Variants in C20orf203 observed in about 807,000 individuals in gnomAD.
C20orf203 encodes chromosome 20 open reading frame 203.
In C20orf203, 16 loss-of-function variants were observed where a neutral mutation model predicts 15.9. The ratio of observed to expected loss-of-function variants is 1.01; its 90% CI spans 0.68 to 1.53. C20orf203 has a LOEUF of 1.53. Among genes scored for constraint, C20orf203 ranks in the 40% most tolerant of loss-of-function variants. C20orf203 has a pLI of 0.00. For missense variants in C20orf203, 263 were observed against 247.5 expected, an observed-to-expected ratio of 1.06 and a Z score of -0.42; for synonymous variants, 98 against 97.2, an observed-to-expected ratio of 1.01 and a Z score of -0.05.
In C20orf203 at chr20:32,650,450, TGATGAATTG is replaced by T; in HGVS notation, c.558_566del (p.Asn187_Ser189del). The T allele has an allele frequency of 6.5e-7, 1 of 1,549,956 alleles. No individual in the cohort carries two copies. Among genetic ancestry groups the T allele is most frequent in the African/African-American group, 1.4e-5 (1 of 73,060 alleles). ...GGCTCGGCTAATTAAACAGCGACCG[TGATGAATTG>T]GAGAGAAACTGCTGCTTGCTAATTA... On this transcript the variant is annotated inframe_deletion, in exon 4 of 6. Transcript: ENST00000608990.
intron 4 of C20orf203, among the ~76,000 whole-genome samples, chr20:32,648,542 G>T (rs557817322): frequency 9.4e-5 from 13 of 138,230 alleles, no homozygotes; most frequent in Non-Finnish European, 9.1e-5. Context: ...CCAGGTTCAC[G>T]CCATTCTTCT....
At chr20:32,637,952 G>T (rs1017639996) in intron 5 of C20orf203, among the ~76,000 whole-genome samples, 1 of 152,002 alleles carries the variant, frequency 6.6e-6, no homozygotes, top group African/African-American at 2.4e-5. Context: ...GTATGGGCGT[G>T]TGTGTGCGCC....
At chr20:32,673,126 G>T (rs191144126) in intron 1 of C20orf203, among the ~76,000 whole-genome samples, 18 of 152,298 alleles carry the variant, frequency 1.2e-4, no homozygotes, top group Admixed American at 4.6e-4. Flanking sequence ...CGGGTGAGGA[G>T]AGGAAGTGGA....
chr20:32,645,210 G>C (rs1381748148), intron 4 of C20orf203, among the ~76,000 whole-genome samples: 1 of 152,178 alleles, frequency 6.6e-6, no homozygotes, highest in East Asian at 1.9e-4. Context: ...CTAGTACTCT[G>C]ATCATCTGTT....
chr20:32,645,152 AC>A (rs1260196315), intron 4 of C20orf203, among the ~76,000 whole-genome samples: 1 of 152,160 alleles, frequency 6.6e-6, no homozygotes, highest in Non-Finnish European at 1.5e-5. Context: ...AGAAACTGGC[AC>A]TTGGGTTTGT....
chr20:32,656,915 G>C (rs1198943576), intron 1 of C20orf203: 1 of 149,128 alleles, frequency 6.7e-6, no homozygotes, highest in African/African-American at 2.5e-5. Context: ...CCCCAAAATA[G>C]AAACAACCAC....
chr20:32,672,595 C>T (rs1983200170), intron 1 of C20orf203, among the ~76,000 whole-genome samples: 1 of 151,420 alleles, frequency 6.6e-6, no homozygotes, highest in Non-Finnish European at 1.5e-5. Context: ...AATACTTCTT[C>T]AATTTAAATA....
chr20:32,634,587 G>A lies in C20orf203; in HGVS notation c.*1300-317C>T, dbSNP rs768420821. ...ACGCAGGACGGAGGATGTTTACTGC[G>A]GTGTTTTTATCACAGAAAACGAGTG... On this transcript the variant is annotated intron_variant, in intron 5 of 5. Coordinates refer to ENST00000608990, the MANE Select transcript of C20orf203 (RefSeq NM_182584.4). Among the ~76,000 whole-genome samples the A allele has an allele frequency of 1.8e-3, 275 of 152,232 alleles. 2 individuals carry two copies. Among genetic ancestry groups the A allele is most frequent in the Middle Eastern group, 3.4e-3 (1 of 294 alleles).
chr20:32,673,766 C>G lies in C20orf203; in HGVS notation c.-398G>C, dbSNP rs773640311. ...TCTGCCTTTGCTCACTGTGATGTCTCCGACGCAAAGCAGAGAGCCCGCCAG... is the reference window on the plus strand; with the variant it reads ...TCTGCCTTTGCTCACTGTGATGTCTGCGACGCAAAGCAGAGAGCCCGCCAG... On this transcript the variant is annotated 5_prime_UTR_variant, in exon 1 of 6. Coordinates refer to ENST00000608990, the MANE Select transcript of C20orf203 (RefSeq NM_182584.4). 6.6e-6 allele frequency: 1 copy of G among 152,210 alleles called. No individual in the cohort carries two copies. The highest frequency in any genetic ancestry group is 1.5e-5 in the Non-Finnish European group (1 of 68,056). The allele number at this position is 152,210 out of a possible 1,614,324, so 9.4% of individuals were successfully genotyped here. A position where few individuals can be genotyped will look rare whatever the true frequency, so the allele number is the denominator to read the frequency against.
At chr20:32,663,759 G>C (rs2145680567) in intron 1 of C20orf203, among the ~76,000 whole-genome samples, 1 of 152,336 alleles carries the variant, frequency 6.6e-6, no homozygotes, top group East Asian at 1.9e-4. Flanking sequence ...TTGGGCGCTG[G>C]GCTCTGTCCT....
chr20:32,639,627 TAAAA>T (rs11353903), intron 5 of C20orf203, among the ~76,000 whole-genome samples: 2 of 129,244 alleles, frequency 1.5e-5, no homozygotes, highest in Non-Finnish European at 1.6e-5. Flanking sequence ...TTTTAAATAG[TAAAA>T]AAAAAAAAAA....
intron 1 of C20orf203, among the ~76,000 whole-genome samples, chr20:32,666,157 A>AAAAAAAAAAAAAAAAAAAAT (rs1983018608): frequency 3.4e-5 from 1 of 29,002 alleles, no homozygotes; most frequent in Non-Finnish European, 1.1e-4. Context: ...AAATAAAGTA[A>AAAAAAAAAAAAAAAAAAAAT]AAAAAAAAAA....
intron 1 of C20orf203, among the ~76,000 whole-genome samples, chr20:32,662,744 A>G (rs1469409283): frequency 2.0e-5 from 3 of 152,006 alleles, no homozygotes. Context: ...TCTGCCAAGC[A>G]TGGTGGCTCA....
chr20:32,641,767 T>C (rs1477636431), intron 4 of C20orf203, among the ~76,000 whole-genome samples: 2 of 152,252 alleles, frequency 1.3e-5, no homozygotes, highest in Non-Finnish European at 2.9e-5. Context: ...TACATCTTTT[T>C]TGGAGAAATA....
In C20orf203 at chr20:32,636,687, G is replaced by T. The variant is rs148167618; in HGVS notation, c.*1300-2417C>A. Among the ~76,000 whole-genome samples the T allele has an allele frequency of 7.1e-4, 108 of 152,224 alleles. 1 individual carries two copies. Among genetic ancestry groups the T allele is most frequent in the Non-Finnish European group, 1.3e-3 (86 of 68,014 alleles). ...GCTGGACTTGGGCCATGGAACCTCTGTCCTCCCCGCTCACCCAGGGAGGGC... is the reference window on the plus strand; with the variant it reads ...GCTGGACTTGGGCCATGGAACCTCTTTCCTCCCCGCTCACCCAGGGAGGGC... On this transcript the variant is annotated intron_variant, in intron 5 of 5. Coordinates refer to ENST00000608990, the MANE Select transcript of C20orf203 (RefSeq NM_182584.4).
chr20:32,665,554 G>A (rs117923975), intron 1 of C20orf203, among the ~76,000 whole-genome samples: 521 of 152,352 alleles, frequency 3.4e-3, no homozygotes, highest in Non-Finnish European at 5.8e-3. Flanking sequence ...AGCAAGGCGC[G>A]GTCCAGGAAC....
chr20:32,653,988 G>A (rs1030051593), intron 1 of C20orf203, among the ~76,000 whole-genome samples: 2 of 151,788 alleles, frequency 1.3e-5, no homozygotes. Flanking sequence ...AGCTACTCAG[G>A]AGGCTGAAGC....
chr20:32,673,420 C>T (rs1983222728), intron 1 of C20orf203, among the ~76,000 whole-genome samples: 1 of 152,184 alleles, frequency 6.6e-6, no homozygotes, highest in South Asian at 2.1e-4. Flanking sequence ...TCAACGGCCA[C>T]ACGGTCCCCA....
At chr20:32,662,243 G>A (rs1037946608) in intron 1 of C20orf203, among the ~76,000 whole-genome samples, 4 of 152,288 alleles carry the variant, frequency 2.6e-5, no homozygotes, top group African/African-American at 9.6e-5. Context: ...TGCTAAACCT[G>A]GCTGACTCTG....
Sources: allele counts gnomAD v4.1 joint callset (sites outside exome capture counted in the v4.1 genomes callset), GRCh38; gene constraint gnomAD v4.1.1; transcripts MANE v1.5; gene names NCBI Gene and HGNC (gene_info 2026-07-23, HGNC 2026-07-21).